The following ELP5 variants were observed in gnomAD, a reference collection of about 807,000 sequenced individuals.
The protein encoded by ELP5 is elongator complex protein 5.
Under a neutral mutation model 33.4 loss-of-function variants are expected in ELP5, and 34 were observed. The ratio of observed to expected loss-of-function variants is 1.02; its 90% CI spans 0.78 to 1.36. ELP5 has a LOEUF of 1.36. Ranked by LOEUF, ELP5 falls within the 40% of genes most tolerant of loss-of-function variation. The pLI, the probability that ELP5 is intolerant of heterozygous loss-of-function variation, is 0.00. For missense variants in ELP5, 373 were observed against 371.7 expected, an observed-to-expected ratio of 1.00 and a Z score of -0.03; for synonymous variants, 161 against 146.4, an observed-to-expected ratio of 1.10 and a Z score of -0.72.
At chr17:7,259,529 C>T (rs2072162553) in intron 7 of ELP5, 42 bp from the exon 8 acceptor site, 1 of 1,612,244 alleles carries the variant, frequency 6.2e-7, no homozygotes, top group African/African-American at 1.3e-5. Context: ...CCAGACCCAA[C>T]CTGTTAGCTA....
In ELP5 at chr17:7,259,761, T is replaced by C. The variant is rs1470147809; in HGVS notation, c.*76T>C. ...GGCCCAGAACCATCTTTCTATTGTT[T>C]GTGTTAGCCTTACCCTGTCCCTGCC... On this transcript the variant is annotated 3_prime_UTR_variant, in exon 8 of 8. Transcript: ENST00000396628. 8 of 1,581,382 alleles carry C rather than the reference T, an allele frequency of 5.1e-6. No individual in the cohort carries two copies. The highest frequency in any genetic ancestry group is 5.2e-6 in the Non-Finnish European group (6 of 1,164,622).
chr17:7,254,713 C>T lies in ELP5; in HGVS notation c.319C>T (p.Leu107Phe), dbSNP rs2072034552. Residue 107 changes from leucine (L) to phenylalanine (F), a missense_variant, in exon 4 of 8, where the codon CTC (leucine) becomes TTC (phenylalanine). Leu to Phe is a conservative substitution (Grantham distance 22, BLOSUM62 0). Transcript: ENST00000396628. Reference sequence around the variant, plus strand: ...AGATCCTGTTCCTGTCACCATTGCTCTCGATTCACTCAGCTGGCTGCTACT... The same window carrying T: ...AGATCCTGTTCCTGTCACCATTGCTTTCGATTCACTCAGCTGGCTGCTACT... ...RTDPVPVTIA[L>F]DSLSWLLLRL... 1 of 1,614,106 alleles carries T rather than the reference C, an allele frequency of 6.2e-7. No homozygotes were observed. Among genetic ancestry groups the T allele is most frequent in the Non-Finnish European group, 8.5e-7 (1 of 1,180,030 alleles).
intron 7 of ELP5, chr17:7,259,134 C>A: frequency 7.0e-7 from 1 of 1,422,356 alleles, no homozygotes; most frequent in Non-Finnish European, 9.2e-7. Context: ...ACCCTTGGGT[C>A]ACAGCTCCAG....
intron 5 of ELP5, among the ~76,000 whole-genome samples, chr17:7,258,111 CTTT>C (rs548854389): frequency 2.2e-4 from 34 of 151,734 alleles, no homozygotes; most frequent in Non-Finnish European, 4.0e-4. Flanking sequence ...AGTCGCCATC[CTTT>C]TATTCCTTTA....
chr17:7,257,459 G>A (rs1404896257), intron 5 of ELP5, among the ~76,000 whole-genome samples: 1 of 148,256 alleles, frequency 6.7e-6, no homozygotes, highest in Non-Finnish European at 1.5e-5. Flanking sequence ...ATTGGACAAG[G>A]TCTCACTGTT....
In ELP5 at chr17:7,252,438, CTTAATGGTGGGAGGACG is replaced by C; in HGVS notation, c.-112_-96del. ...CCTCTCATTCCAGACTATGTTAGGT[CTTAATGGTGGGAGGACG>C]CCCGAGTGCTCGGCCCGTTTCACCC... On this transcript the variant is annotated 5_prime_UTR_variant, in exon 1 of 8. It removes an upstream start codon present in the reference 5' UTR. Transcript: ENST00000396628. The C allele has an allele frequency of 6.6e-7, 1 of 1,512,142 alleles. No individual in the cohort carries two copies. Among genetic ancestry groups the C allele is most frequent in the South Asian group, 1.2e-5 (1 of 86,344 alleles). The allele number at this position is 1,512,142 out of a possible 1,614,324, so 93.7% of individuals were successfully genotyped here.
At position 7,256,929 on chromosome 17, in the gene ELP5, T is replaced by C; in HGVS notation, c.482T>C (p.Val161Ala). The C allele has an allele frequency of 1.2e-6, 2 of 1,614,088 alleles. No homozygotes were observed. Among genetic ancestry groups the C allele is most frequent in the Non-Finnish European group, 8.5e-7 (1 of 1,180,026 alleles). ...LHEELHGPGP[V>A]GALSSLAQTE... ...GAAGAGCTTCATGGACCAGGCCCTGTGGGAGCTCTCAGCAGCCTTGCTCAG... is the reference window on the plus strand; with the variant it reads ...GAAGAGCTTCATGGACCAGGCCCTGCGGGAGCTCTCAGCAGCCTTGCTCAG... Residue 161 changes from valine to alanine, a missense_variant, in exon 5 of 8, where the codon GTG (valine) becomes GCG (alanine). Val to Ala is a moderately conservative substitution (Grantham distance 64, BLOSUM62 0). Coordinates refer to ENST00000396628, the MANE Select transcript of ELP5 (RefSeq NM_203414.3).
intron 1 of ELP5, 83 bp downstream of exon 1, chr17:7,252,679 G>C (rs2142999981): frequency 6.2e-7 from 1 of 1,606,416 alleles, no homozygotes; most frequent in South Asian, 1.1e-5. Flanking sequence ...GAAGGGCCAG[G>C]GGTCACAGGC....
chr17:7,254,937 C>A, intron 4 of ELP5, 134 bp downstream of exon 4: 2 of 611,798 alleles, frequency 3.3e-6, no homozygotes, highest in Non-Finnish European at 5.1e-6. Flanking sequence ...ACTTTTTTGT[C>A]TGTTTTTTTT....
chr17:7,259,104 G>A, intron 7 of ELP5, 178 bp downstream of exon 7: 2 of 1,449,192 alleles, frequency 1.4e-6, no homozygotes, highest in Non-Finnish European at 1.8e-6. Flanking sequence ...GGACCTTTAT[G>A]TCTCTTTTCT....
At position 7,254,692 on chromosome 17, in the gene ELP5, C is replaced by A; in HGVS notation, c.298C>A (p.Pro100Thr). 2 of 1,614,150 alleles carry A rather than the reference C, an allele frequency of 1.2e-6. No individual in the cohort carries two copies. Among genetic ancestry groups the A allele is most frequent in the Non-Finnish European group, 1.7e-6 (2 of 1,180,010 alleles). ...ALRAMCKRTD[P>T]VPVTIALDSL... ...GAGAGCCATGTGCAAGAGGACAGAT[C>A]CTGTTCCTGTCACCATTGCTCTCGA... Residue 100 changes from proline to threonine, a missense_variant, in exon 4 of 8, where the codon CCT (proline) becomes ACT (threonine). Pro to Thr is a conservative substitution (Grantham distance 38, BLOSUM62 -1). Transcript: ENST00000396628.
At position 7,252,750 on chromosome 17, in the gene ELP5, A is replaced by T. The variant is rs878915743; in HGVS notation, c.47-20A>T. ...TAATCCCAGCGCTCTCATACCCTTT[A>T]TCCGTCCCTCGCTCTGCAGATTCCG... On this transcript the variant is annotated intron_variant, in intron 1 of 7. Coordinates refer to ENST00000396628, the MANE Select transcript of ELP5 (RefSeq NM_203414.3). 2 of 1,613,652 alleles carry T rather than the reference A, an allele frequency of 1.2e-6. No homozygotes were observed. The highest frequency in any genetic ancestry group is 1.7e-6 in the Non-Finnish European group (2 of 1,179,926).
chr17:7,257,318 T>C (rs1462567591), intron 5 of ELP5, among the ~76,000 whole-genome samples: 6 of 152,102 alleles, frequency 3.9e-5, no homozygotes, highest in Non-Finnish European at 2.9e-5. Flanking sequence ...TATTTCTCTG[T>C]TTTCTATCAC....
At position 7,252,529 on chromosome 17, in the gene ELP5, A is replaced by G; in HGVS notation, c.-22A>G. On this transcript the variant is annotated 5_prime_UTR_variant, in exon 1 of 8. Coordinates refer to ENST00000396628, the MANE Select transcript of ELP5 (RefSeq NM_203414.3). The stretch of plus-strand genomic sequence containing the variant: ...TGACGCCATCAGAGGGCGCCAGAGC[A>G]GGGACCGGACGCGAGTTGGAGATGT... 6.2e-7 allele frequency: 1 copy of G among 1,613,842 alleles called. No homozygotes were observed. Among genetic ancestry groups the G allele is most frequent in the Non-Finnish European group, 8.5e-7 (1 of 1,179,950 alleles).
chr17:7,257,840 T>C (rs1204844398), intron 5 of ELP5, among the ~76,000 whole-genome samples: 3 of 152,054 alleles, frequency 2.0e-5, no homozygotes, highest in Admixed American at 1.3e-4. Context: ...GGGGCCGAGG[T>C]GGGCAGATTG....
upstream of ELP5, chr17:7,252,074 C>T (rs1460202579): frequency 3.8e-6 from 1 of 262,130 alleles, no homozygotes; most frequent in Non-Finnish European, 7.6e-6. Flanking sequence ...CCTGCGCGGT[C>T]TATGGCGGGT....
chr17:7,256,818 A>G (rs1227899300), intron 4 of ELP5, 39 bp from the exon 5 acceptor site: 2 of 1,607,114 alleles, frequency 1.2e-6, no homozygotes, highest in East Asian at 4.5e-5. Context: ...CACCAACCTG[A>G]ATGCTCCCTA....
In ELP5 at chr17:7,252,266, C is replaced by A. The variant is rs928363866; in HGVS notation, c.-285C>A. 1 of 517,904 alleles carries A rather than the reference C, an allele frequency of 1.9e-6. No homozygotes were observed. Among genetic ancestry groups the A allele is most frequent in the Non-Finnish European group, 3.5e-6 (1 of 284,580 alleles). The allele number at this position is 517,904 out of a possible 1,614,324, so 32.1% of individuals were successfully genotyped here. ...GGGGGGCTTGTGGGTCCTCCTCCCCCTCCCACTGACAACTGCCCCAACTGC... is the reference window on the plus strand; with the variant it reads ...GGGGGGCTTGTGGGTCCTCCTCCCCATCCCACTGACAACTGCCCCAACTGC... On this transcript the variant is annotated 5_prime_UTR_variant, in exon 1 of 8. Coordinates refer to ENST00000396628, the MANE Select transcript of ELP5 (RefSeq NM_203414.3).
At chr17:7,255,584 G>A (rs982485109) in intron 4 of ELP5, among the ~76,000 whole-genome samples, 27 of 151,860 alleles carry the variant, frequency 1.8e-4, no homozygotes, top group Non-Finnish European at 2.8e-4. Context: ...AAATTTGGCC[G>A]GGCAGGGGCA....
Sources: allele counts gnomAD v4.1 joint callset (sites outside exome capture counted in the v4.1 genomes callset), GRCh38; gene constraint gnomAD v4.1.1; transcripts MANE v1.5; gene names NCBI Gene and HGNC (gene_info 2026-07-23, HGNC 2026-07-21).